PDE1A: variants seen among roughly 807,000 people sequenced by gnomAD.
PDE1A encodes the protein phosphodiesterase 1A.
Under a neutral mutation model 61.7 loss-of-function variants are expected in PDE1A, and 35 were observed. The ratio of observed to expected loss-of-function variants is 0.57; its 90% CI spans 0.43 to 0.75. PDE1A has a LOEUF of 0.75. Among genes scored for constraint, PDE1A ranks in the 30% least tolerant of loss-of-function variants. The pLI is 0.00. For synonymous variants in PDE1A, 232 were observed against 213.2 expected (o/e 1.09, Z -0.77); for missense variants, 597 against 630.6 (o/e 0.95, Z 0.57).
the PDE1A span, among the ~76,000 whole-genome samples, chr2:182,555,822 C>T: frequency 2.0e-5 from 3 of 151,532 alleles, no homozygotes; most frequent in African/African-American, 7.3e-5. Flanking sequence ...CAAAAATTAG[C>T]CAGATATGGT....
At chr2:182,189,625 CAG>C (rs1685521614) in intron 10 of PDE1A, among the ~76,000 whole-genome samples, 1 of 152,130 alleles carries the variant, frequency 6.6e-6, no homozygotes, top group Admixed American at 6.5e-5. Context: ...GTTTTCTTCT[CAG>C]AGAAAATTGA....
chr2:182,335,779 A>G (rs1697760091), intron 1 of PDE1A, among the ~76,000 whole-genome samples: 1 of 152,214 alleles, frequency 6.6e-6, no homozygotes, highest in African/African-American at 2.4e-5. Context: ...GATATAATTA[A>G]ATTAAAGAGC....
chr2:182,177,651 T>A (rs1684383286), intron 13 of PDE1A, among the ~76,000 whole-genome samples: 1 of 152,208 alleles, frequency 6.6e-6, no homozygotes, highest in Middle Eastern at 3.4e-3. Flanking sequence ...CCATGCTATT[T>A]TGGTTACTGT....
At chr2:182,642,665 A>T in the PDE1A span, among the ~76,000 whole-genome samples, 1 of 152,164 alleles carries the variant, frequency 6.6e-6, no homozygotes, top group Admixed American at 6.5e-5. Context: ...TGGGGAAGAG[A>T]TGCTGAAGTT....
intron 2 of PDE1A, among the ~76,000 whole-genome samples, chr2:182,489,318 C>T (rs1052264977): frequency 6.6e-6 from 1 of 151,928 alleles, no homozygotes; most frequent in African/African-American, 2.4e-5. Context: ...AGAGAAGGGC[C>T]GAATTACAAA....
intron 1 of PDE1A, among the ~76,000 whole-genome samples, chr2:182,409,843 T>C (rs2125511668): frequency 6.6e-6 from 1 of 152,336 alleles, no homozygotes; most frequent in East Asian, 1.9e-4. Flanking sequence ...ATGTGATGTT[T>C]CTTCTTTCAT....
the PDE1A span, among the ~76,000 whole-genome samples, chr2:182,542,865 A>C: frequency 2.5e-4 from 38 of 152,348 alleles, no homozygotes; most frequent in African/African-American, 8.7e-4. Flanking sequence ...AATCACGTTA[A>C]TGAAAATAAG....
chr2:182,158,168 C>A (rs1691198328), intron 13 of PDE1A, among the ~76,000 whole-genome samples: 1 of 152,172 alleles, frequency 6.6e-6, no homozygotes. Flanking sequence ...GATGTATATG[C>A]AAGTTGCTCC....
At chr2:182,212,604 G>A (rs1050567416) in intron 7 of PDE1A, among the ~76,000 whole-genome samples, 1 of 152,256 alleles carries the variant, frequency 6.6e-6, no homozygotes, top group Non-Finnish European at 1.5e-5. Flanking sequence ...CCTCACTTGG[G>A]AAGCGCAAGG....
chr2:182,631,362 GGTTA>G, the PDE1A span, among the ~76,000 whole-genome samples: 3 of 151,886 alleles, frequency 2.0e-5, no homozygotes, highest in Non-Finnish European at 4.4e-5. Flanking sequence ...ACAATGTGCA[GGTTA>G]GTTACATATG....
chr2:182,708,113 ACT>A, the PDE1A span, among the ~76,000 whole-genome samples: 1 of 152,112 alleles, frequency 6.6e-6, no homozygotes, highest in African/African-American at 2.4e-5. Flanking sequence ...CCAAAATATC[ACT>A]CTGTACCCCA....
At chr2:182,461,222 A>ATG (rs1265618304) in intron 2 of PDE1A, among the ~76,000 whole-genome samples, 3 of 152,194 alleles carry the variant, frequency 2.0e-5, no homozygotes, top group Admixed American at 2.0e-4. Context: ...ACGAAAAACT[A>ATG]AAGTAAAGTT....
intron 1 of PDE1A, among the ~76,000 whole-genome samples, chr2:182,325,398 C>A (rs1696971636): frequency 6.6e-6 from 1 of 151,868 alleles, no homozygotes; most frequent in Non-Finnish European, 1.5e-5. Flanking sequence ...TCTATGATAC[C>A]AGATTTGGCA....
At chr2:182,654,021 C>G in the PDE1A span, among the ~76,000 whole-genome samples, 2 of 152,152 alleles carry the variant, frequency 1.3e-5, no homozygotes, top group Non-Finnish European at 2.9e-5. Flanking sequence ...AGAGTCCCCA[C>G]AGACTATATT....
chr2:182,672,199 G>T, the PDE1A span, among the ~76,000 whole-genome samples: 1 of 152,000 alleles, frequency 6.6e-6, no homozygotes, highest in African/African-American at 2.4e-5. Context: ...TAGTTATATG[G>T]TAATTGTTCC....
intron 10 of PDE1A, among the ~76,000 whole-genome samples, chr2:182,193,429 C>A (rs925046205): frequency 2.0e-5 from 3 of 152,060 alleles, no homozygotes; most frequent in African/African-American, 7.2e-5. Context: ...ACCACAGGGA[C>A]AGGGGCTTAG....
intron 2 of PDE1A, among the ~76,000 whole-genome samples, chr2:182,438,132 C>T (rs1684560376): frequency 6.6e-6 from 1 of 151,920 alleles, no homozygotes; most frequent in Admixed American, 6.6e-5. Flanking sequence ...AGAGCACTTA[C>T]CTCTCAAGTA....
chr2:182,689,714 C>T, the PDE1A span, among the ~76,000 whole-genome samples: 1 of 152,102 alleles, frequency 6.6e-6, no homozygotes, highest in Admixed American at 6.6e-5. Context: ...CACAAAAAAC[C>T]CTTCAAAAAA....
At chr2:182,597,178 TTTAA>T in the PDE1A span, among the ~76,000 whole-genome samples, 3 of 151,796 alleles carry the variant, frequency 2.0e-5, no homozygotes, top group Non-Finnish European at 4.4e-5. Context: ...AAATTTTTTT[TTTAA>T]ATCTAAACAC....
Sources: gnomAD v4.1 joint callset for allele counts (sites outside exome capture counted in the v4.1 genomes callset) on GRCh38, gnomAD v4.1.1 for gene constraint, MANE v1.5 for transcripts, NCBI Gene and HGNC (gene_info 2026-07-23, HGNC 2026-07-21) for gene names.